The following GNG7 variants were observed in gnomAD, a reference collection of about 807,000 sequenced individuals.
GNG7 encodes the protein guanine nucleotide-binding protein G(I)/G(S)/G(O) subunit gamma-7.
GNG7 carries 1 observed loss-of-function variant against 4.0 expected under a neutral mutation model. The ratio of observed to expected loss-of-function variants is 0.25; its 90% CI spans 0.09 to 1.18. The LOEUF is 1.18. Ranked by LOEUF, GNG7 falls within the 50% of genes most tolerant of loss-of-function variation. GNG7 has a pLI of 0.50. For missense variants in GNG7, 86 were observed against 91.9 expected (o/e 0.94, Z 0.26); for synonymous variants, 34 against 36.9 (o/e 0.92, Z 0.29).
At chr19:2,631,914 G>A (rs1162329433) in intron 2 of GNG7, 3 of 152,218 alleles carry the variant, frequency 2.0e-5, no homozygotes, top group Non-Finnish European at 4.4e-5. Context: ...TCTGAAAGAG[G>A]AAGAGAGAAA....
intron 1 of GNG7, among the ~76,000 whole-genome samples, chr19:2,689,619 A>T (rs2144908680): frequency 1.8e-5 from 2 of 113,246 alleles, no homozygotes; most frequent in African/African-American, 3.7e-5. Context: ...TGAGACTCCA[A>T]CTCAAAAAAA....
chr19:2,527,034 C>T (rs1444789731), intron 3 of GNG7, among the ~76,000 whole-genome samples: 6 of 152,026 alleles, frequency 3.9e-5, no homozygotes, highest in East Asian at 1.9e-4. Context: ...TTAGTAGAGA[C>T]GGGGTTTCAC....
At chr19:2,669,836 C>T (rs1385357866) in intron 1 of GNG7, among the ~76,000 whole-genome samples, 3 of 151,794 alleles carry the variant, frequency 2.0e-5, no homozygotes, top group Non-Finnish European at 4.4e-5. Flanking sequence ...ACGGTGAAAC[C>T]CCGTCTCTAC....
At chr19:2,575,629 GCACACA>G (rs1221547872) in intron 2 of GNG7, among the ~76,000 whole-genome samples, 1 of 113,038 alleles carries the variant, frequency 8.8e-6, no homozygotes, top group African/African-American at 3.5e-5. Context: ...AGACATGCAG[GCACACA>G]CAGGCACACG....
At chr19:2,686,716 GT>G (rs1404343059) in intron 1 of GNG7, among the ~76,000 whole-genome samples, 1 of 151,930 alleles carries the variant, frequency 6.6e-6, no homozygotes, top group Non-Finnish European at 1.5e-5. Flanking sequence ...CCTTTGTAGG[GT>G]GGGGTCAAAA....
At chr19:2,697,886 C>T (rs1410242586) in intron 1 of GNG7, among the ~76,000 whole-genome samples, 1 of 148,920 alleles carries the variant, frequency 6.7e-6, no homozygotes, top group Non-Finnish European at 1.5e-5. Flanking sequence ...GCAGGAGAAT[C>T]GCTTGAACCC....
intron 4 of GNG7, among the ~76,000 whole-genome samples, chr19:2,519,995 C>T (rs1391320580): frequency 6.6e-6 from 1 of 152,220 alleles, no homozygotes; most frequent in African/African-American, 2.4e-5. Flanking sequence ...GCCTGGGCAA[C>T]ATGGCGAAAC....
At chr19:2,640,595 CCTT>C (rs935666628) in intron 2 of GNG7, among the ~76,000 whole-genome samples, 1 of 152,038 alleles carries the variant, frequency 6.6e-6, no homozygotes, top group Non-Finnish European at 1.5e-5. Context: ...AGGGGCTTGG[CCTT>C]CTTTGTACTT....
In GNG7 at chr19:2,614,001, G is replaced by A. The variant is rs1029591482; in HGVS notation, c.-78+32223C>T. On this transcript the variant is annotated intron_variant, in intron 2 of 4. Transcript: ENST00000382159. The surrounding 1 kb of genome is among the most constrained non-coding windows in gnomAD (Gnocchi z 6.0). Reference sequence around the variant, plus strand: ...ACGGCCACAGCGACATCTAAAGGCCGGCAAGTGCAATGCAGAATCCACCCA... The same window carrying A: ...ACGGCCACAGCGACATCTAAAGGCCAGCAAGTGCAATGCAGAATCCACCCA... Among the ~76,000 whole-genome samples the A allele has an allele frequency of 3.9e-5, 6 of 152,218 alleles. No individual in the cohort carries two copies. The highest frequency in any genetic ancestry group is 4.4e-5 in the Non-Finnish European group (3 of 68,032).
intron 3 of GNG7, among the ~76,000 whole-genome samples, chr19:2,528,080 C>T (rs973055581): frequency 2.0e-5 from 3 of 151,124 alleles, no homozygotes; most frequent in African/African-American, 7.3e-5. Flanking sequence ...CCAGCCTGGC[C>T]AACATGGTGA....
chr19:2,647,451 G>C (rs1414759101), intron 1 of GNG7, among the ~76,000 whole-genome samples: 1 of 152,182 alleles, frequency 6.6e-6, no homozygotes, highest in Admixed American at 6.5e-5. Flanking sequence ...TGTGCTCCAT[G>C]TCCTCTTGCT....
At chr19:2,686,502 C>T (rs1375667364) in intron 1 of GNG7, among the ~76,000 whole-genome samples, 2 of 152,056 alleles carry the variant, frequency 1.3e-5, no homozygotes, top group Admixed American at 6.6e-5. Context: ...CAAAGCTGCG[C>T]TCAACACCCC....
intron 3 of GNG7, among the ~76,000 whole-genome samples, chr19:2,525,491 C>CGA (rs1296819315): frequency 1.3e-5 from 2 of 152,144 alleles, no homozygotes; most frequent in African/African-American, 4.8e-5. Context: ...TGAGGGTACC[C>CGA]CCCCACTCCA....
At chr19:2,642,457 C>T (rs1470018954) in intron 2 of GNG7, 3 of 329,332 alleles carry the variant, frequency 9.1e-6, no homozygotes, top group South Asian at 5.0e-5. Context: ...CCTCGACCTC[C>T]GGGGCTCAAG....
intron 1 of GNG7, among the ~76,000 whole-genome samples, chr19:2,691,760 G>A (rs922304523): frequency 6.7e-6 from 1 of 150,320 alleles, no homozygotes; most frequent in South Asian, 2.1e-4. Flanking sequence ...CCAGCTACTC[G>A]GGAGGCTGAG....
intron 3 of GNG7, among the ~76,000 whole-genome samples, chr19:2,541,589 A>G (rs1428850280): frequency 1.3e-5 from 2 of 151,742 alleles, no homozygotes; most frequent in Non-Finnish European, 2.9e-5. Context: ...AAAAAACAAA[A>G]AAATTAGCCT....
At chr19:2,531,241 T>C (rs2144737640) in intron 3 of GNG7, among the ~76,000 whole-genome samples, 1 of 142,640 alleles carries the variant, frequency 7.0e-6, no homozygotes, top group East Asian at 2.1e-4. Context: ...GAGACGGTGG[T>C]TGCAGTGAAC....
At chr19:2,551,960 C>T (rs1278625139) in intron 3 of GNG7, among the ~76,000 whole-genome samples, 1 of 152,192 alleles carries the variant, frequency 6.6e-6, no homozygotes, top group Non-Finnish European at 1.5e-5. Context: ...GCTGGGATTA[C>T]AGGCGTGAGC....
At chr19:2,697,148 T>A (rs1913286488) in intron 1 of GNG7, among the ~76,000 whole-genome samples, 1 of 152,186 alleles carries the variant, frequency 6.6e-6, no homozygotes, top group African/African-American at 2.4e-5. Flanking sequence ...TATAGGGATG[T>A]TTGCACAGCT....
Sources: gnomAD v4.1 joint callset for allele counts (sites outside exome capture counted in the v4.1 genomes callset) on GRCh38, gnomAD v4.1.1 for gene constraint, Gnocchi (gnomAD v3.1) non-coding constraint, MANE v1.5 for transcripts, NCBI Gene and HGNC (gene_info 2026-07-23, HGNC 2026-07-21) for gene names.